The following IGDCC4 variants were observed in gnomAD, a reference collection of about 807,000 sequenced individuals.
The protein encoded by IGDCC4 is immunoglobulin superfamily DCC subclass member 4.
IGDCC4 carries 72 observed loss-of-function variants against 116.6 expected under a neutral mutation model. That is an observed-to-expected ratio of 0.62 (90% CI 0.51 to 0.75). The LOEUF is 0.75. IGDCC4 is among the 30% of genes least tolerant of loss of function. The pLI is 0.00. For synonymous variants in IGDCC4, 709 were observed against 719.9 expected, an observed-to-expected ratio of 0.98 and a Z score of 0.24; for missense variants, 1,501 against 1,662.4, an observed-to-expected ratio of 0.90 and a Z score of 1.69.
Position 65,396,182 on chromosome 15 carries a change from AC to A in IGDCC4, c.998-20del. On this transcript the variant is annotated intron_variant, in intron 6 of 19. Coordinates refer to ENST00000352385, the MANE Select transcript of IGDCC4 (RefSeq NM_020962.3). ...GGAGCCGCTAGGGGCGCGAGGGGCGACGCTGAGCGCGGGATCCCGCAACTAA... is the reference window on the plus strand; with the variant it reads ...GGAGCCGCTAGGGGCGCGAGGGGCGAGCTGAGCGCGGGATCCCGCAACTAA... 6.7e-7 allele frequency: 1 copy of A among 1,498,782 alleles called. No homozygotes were observed. Among genetic ancestry groups the A allele is most frequent in the Non-Finnish European group, 8.9e-7 (1 of 1,129,392 alleles). 92.8% of individuals were successfully genotyped at this position (1,498,782 alleles called of 1,614,324 possible). A position where few individuals can be genotyped will look rare whatever the true frequency, so the allele number is the denominator to read the frequency against.
intron 18 of IGDCC4, chr15:65,385,415 C>T (rs989662910): frequency 7.6e-6 from 4 of 525,456 alleles, no homozygotes; most frequent in African/African-American, 5.8e-5. Flanking sequence ...TGGGATGTGC[C>T]GCCCCTGCCA....
chr15:65,382,698 C>T lies in IGDCC4; in HGVS notation c.*1311G>A, dbSNP rs2091412665. 6.6e-6 allele frequency: 1 copy of T among 152,156 alleles called. No homozygotes were observed. The highest frequency in any genetic ancestry group is 6.5e-5 in the Admixed American group (1 of 15,278). The allele number at this position is 152,156 out of a possible 1,614,324, so 9.4% of individuals were successfully genotyped here. A position where few individuals can be genotyped will look rare whatever the true frequency, so the allele number is the denominator to read the frequency against. On this transcript the variant is annotated 3_prime_UTR_variant, in exon 20 of 20. Coordinates refer to ENST00000352385, the MANE Select transcript of IGDCC4 (RefSeq NM_020962.3). ...AGCTACCCCTTTTCCTGTGCAAAGACCTCCTTGCCAGCACCCCAGAGGGTG... is the reference window on the plus strand; with the variant it reads ...AGCTACCCCTTTTCCTGTGCAAAGATCTCCTTGCCAGCACCCCAGAGGGTG...
chr15:65,386,142 T>C (rs970777990), intron 17 of IGDCC4, 83 bp from the exon 18 acceptor site: 1 of 881,786 alleles, frequency 1.1e-6, no homozygotes, highest in Non-Finnish European at 1.7e-6. Context: ...CCTATGTCTC[T>C]GGGGAGGTTC....
chr15:65,422,743 C>G (rs940518960), intron 1 of IGDCC4, 50 bp downstream of exon 1: 2 of 1,296,548 alleles, frequency 1.5e-6, no homozygotes, highest in African/African-American at 1.6e-5. Context: ...AGGGCGCGGG[C>G]GCACCAGCAC....
At chr15:65,421,438 G>A (rs2063189369) in intron 1 of IGDCC4, among the ~76,000 whole-genome samples, 1 of 152,182 alleles carries the variant, frequency 6.6e-6, no homozygotes, top group South Asian at 2.1e-4. Flanking sequence ...CCCAGCAGCC[G>A]AGACCCAGCC....
At chr15:65,394,119 G>GC (rs1437324515) in intron 9 of IGDCC4, among the ~76,000 whole-genome samples, 5 of 152,096 alleles carry the variant, frequency 3.3e-5, no homozygotes, top group Admixed American at 2.0e-4. Context: ...TCCCACCTCA[G>GC]CCCCCCATTT....
chr15:65,392,388 A>G lies in IGDCC4; in HGVS notation c.1886-18T>C. The G allele has an allele frequency of 6.7e-7, 1 of 1,486,128 alleles. No individual in the cohort carries two copies. The highest frequency in any genetic ancestry group is 9.0e-7 in the Non-Finnish European group (1 of 1,112,696). 92.1% of individuals were successfully genotyped at this position (1,486,128 alleles called of 1,614,324 possible). ...AAAAGGGACTGGGGGGCAGAGGAGC[A>G]GGATGGGAAAATTAAGGAACAGAAT... On this transcript the variant is annotated intron_variant, in intron 10 of 19. Transcript: ENST00000352385.
At chr15:65,390,092 C>T in intron 13 of IGDCC4, 63 bp downstream of exon 13, 1 of 1,426,922 alleles carries the variant, frequency 7.0e-7, no homozygotes, top group Non-Finnish European at 9.6e-7. Flanking sequence ...TGCTGCCTTC[C>T]CACCACCACC....
intron 8 of IGDCC4, 149 bp from the exon 9 acceptor site, chr15:65,394,697 G>T (rs1385822256): frequency 3.8e-6 from 3 of 796,206 alleles, no homozygotes; most frequent in Admixed American, 3.1e-5. Context: ...TCTCAGGGGA[G>T]CCCCAAGCTG....
intron 1 of IGDCC4, among the ~76,000 whole-genome samples, chr15:65,419,529 C>T (rs952057300): frequency 3.9e-5 from 6 of 152,136 alleles, no homozygotes; most frequent in African/African-American, 1.4e-4. Context: ...GTTTAGGTAT[C>T]TTCTGGATAA....
At chr15:65,389,200 GTTC>G in intron 14 of IGDCC4, 81 bp downstream of exon 14, 1 of 1,564,850 alleles carries the variant, frequency 6.4e-7, no homozygotes, top group Non-Finnish European at 8.7e-7. Context: ...AAACCTTGGG[GTTC>G]TGAAGTATGT....
chr15:65,397,409 A>C (rs995501875), intron 5 of IGDCC4, among the ~76,000 whole-genome samples: 3 of 152,346 alleles, frequency 2.0e-5, no homozygotes, highest in East Asian at 3.9e-4. Context: ...TTTTACCTCA[A>C]TGTGAAATGA....
intron 3 of IGDCC4, among the ~76,000 whole-genome samples, chr15:65,406,556 C>T (rs139217374): frequency 6.6e-6 from 1 of 152,286 alleles, no homozygotes; most frequent in Non-Finnish European, 1.5e-5. Context: ...TTATTAACTG[C>T]ACATGTGCCA....
intron 1 of IGDCC4, among the ~76,000 whole-genome samples, chr15:65,418,435 A>T (rs563413227): frequency 6.6e-6 from 1 of 152,298 alleles, no homozygotes; most frequent in South Asian, 2.1e-4. Flanking sequence ...TAAGTCCCTT[A>T]TAGAACCATC....
intron 3 of IGDCC4, among the ~76,000 whole-genome samples, chr15:65,406,597 A>G (rs1266509932): frequency 6.6e-6 from 1 of 152,150 alleles, no homozygotes; most frequent in Non-Finnish European, 1.5e-5. Flanking sequence ...TCTCCTTCAA[A>G]CCACTGGGCT....
chr15:65,416,327 C>CG (rs1311337612), intron 1 of IGDCC4, among the ~76,000 whole-genome samples: 1 of 151,694 alleles, frequency 6.6e-6, no homozygotes. Flanking sequence ...TTAGTAGAGA[C>CG]GGGGTTTCAC....
intron 1 of IGDCC4, among the ~76,000 whole-genome samples, chr15:65,417,539 C>T (rs2063155689): frequency 6.6e-6 from 1 of 152,202 alleles, no homozygotes; most frequent in African/African-American, 2.4e-5. Context: ...ATTTAGACAC[C>T]TCTCCTTTTT....
intron 6 of IGDCC4, chr15:65,396,477 C>T: frequency 3.4e-6 from 2 of 584,774 alleles, no homozygotes; most frequent in Non-Finnish European, 6.2e-6. Flanking sequence ...TCCTTCCTCC[C>T]TGCCCTCCCA....
intron 6 of IGDCC4, 50 bp from the exon 7 acceptor site, chr15:65,396,213 T>A: frequency 2.9e-6 from 4 of 1,397,372 alleles, no homozygotes; most frequent in Admixed American, 2.9e-5. Context: ...AACTAAGGTC[T>A]CTGCCCCCCC....
Sources: gnomAD v4.1 joint callset for allele counts (sites outside exome capture counted in the v4.1 genomes callset) on GRCh38, gnomAD v4.1.1 for gene constraint, MANE v1.5 for transcripts, NCBI Gene and HGNC (gene_info 2026-07-23, HGNC 2026-07-21) for gene names.